NELL1: variants seen among roughly 807,000 people sequenced by gnomAD.
NELL1 encodes the protein protein kinase C-binding protein NELL1.
Under a neutral mutation model 107.4 loss-of-function variants are expected in NELL1, and 76 were observed. The observed-to-expected ratio is 0.71, with a 90% CI of 0.59 to 0.86. The LOEUF (loss-of-function observed/expected upper bound fraction) is 0.86. Among genes scored for constraint, NELL1 ranks in the 40% least tolerant of loss-of-function variants. NELL1 has a pLI of 0.00. For synonymous variants in NELL1, 353 were observed against 341.2 expected (o/e 1.03, Z -0.38); for missense variants, 1,024 against 1,005.5 (o/e 1.02, Z -0.25).
chr11:21,085,674 A>T (rs1854374619), intron 12 of NELL1, among the ~76,000 whole-genome samples: 1 of 152,214 alleles, frequency 6.6e-6, no homozygotes, highest in African/African-American at 2.4e-5. Context: ...GTCAGGGGAC[A>T]ACAACAAATG....
intron 12 of NELL1, among the ~76,000 whole-genome samples, chr11:21,082,123 G>T (rs912561830): frequency 2.0e-5 from 3 of 152,048 alleles, no homozygotes; most frequent in Admixed American, 2.0e-4. Flanking sequence ...TTACAATGGC[G>T]ATCATTTCTT....
chr11:21,512,292 C>T (rs1320297598), intron 15 of NELL1, among the ~76,000 whole-genome samples: 1 of 152,132 alleles, frequency 6.6e-6, no homozygotes, highest in Non-Finnish European at 1.5e-5. Flanking sequence ...AGATAAACAC[C>T]TTATCCCACC....
At chr11:20,800,599 C>T (rs942315314) in intron 3 of NELL1, among the ~76,000 whole-genome samples, 1 of 152,032 alleles carries the variant, frequency 6.6e-6, no homozygotes, top group Non-Finnish European at 1.5e-5. Flanking sequence ...GATATTAGAC[C>T]TCTGTTAGAT....
chr11:21,124,704 C>A (rs138054302), intron 13 of NELL1, among the ~76,000 whole-genome samples: 1 of 151,532 alleles, frequency 6.6e-6, no homozygotes, highest in South Asian at 2.1e-4. Flanking sequence ...CGGGTTCAAG[C>A]GATTCTCCTG....
intron 15 of NELL1, among the ~76,000 whole-genome samples, chr11:21,503,514 A>G (rs1216255195): frequency 2.0e-5 from 3 of 152,124 alleles, no homozygotes; most frequent in Non-Finnish European, 4.4e-5. Flanking sequence ...TATCTATGTG[A>G]GCCTCAATTT....
chr11:21,520,965 A>G (rs140333413), intron 15 of NELL1, among the ~76,000 whole-genome samples: 25 of 152,338 alleles, frequency 1.6e-4, no homozygotes, highest in African/African-American at 6.0e-4. Flanking sequence ...TTTCAGTTCA[A>G]TAGAGTCCTA....
At chr11:21,318,217 A>G (rs1448934478) in intron 14 of NELL1, among the ~76,000 whole-genome samples, 1 of 152,216 alleles carries the variant, frequency 6.6e-6, no homozygotes, top group Non-Finnish European at 1.5e-5. Context: ...AATTTCTTAT[A>G]AAATTAAGGA....
At chr11:21,423,619 C>T (rs981875346) in intron 15 of NELL1, among the ~76,000 whole-genome samples, 1 of 152,048 alleles carries the variant, frequency 6.6e-6, no homozygotes, top group Admixed American at 6.5e-5. Flanking sequence ...ACACAATAAA[C>T]ACATTAGACT....
chr11:21,044,268 A>G (rs1853305147), intron 12 of NELL1, among the ~76,000 whole-genome samples: 1 of 152,190 alleles, frequency 6.6e-6, no homozygotes, highest in Non-Finnish European at 1.5e-5. Flanking sequence ...GAGATACATT[A>G]GGAGATCAGA....
At chr11:21,227,231 C>A (rs1459733736) in intron 13 of NELL1, among the ~76,000 whole-genome samples, 1 of 152,130 alleles carries the variant, frequency 6.6e-6, no homozygotes, top group East Asian at 1.9e-4. Flanking sequence ...TCTAGCTTAT[C>A]TTTATTCCTC....
At chr11:21,303,608 CA>C (rs1849545051) in intron 14 of NELL1, among the ~76,000 whole-genome samples, 2 of 151,954 alleles carry the variant, frequency 1.3e-5, no homozygotes, top group South Asian at 4.1e-4. Flanking sequence ...GGAGATTTCT[CA>C]AAGATCTAAA....
intron 14 of NELL1, among the ~76,000 whole-genome samples, chr11:21,311,108 T>C (rs920945452): frequency 6.6e-6 from 1 of 152,148 alleles, no homozygotes; most frequent in Non-Finnish European, 1.5e-5. Context: ...AAGCAGCTTA[T>C]TGATGCTGTC....
chr11:21,340,232 A>G (rs1850529021), intron 14 of NELL1, among the ~76,000 whole-genome samples: 2 of 152,080 alleles, frequency 1.3e-5, no homozygotes, highest in Admixed American at 1.3e-4. Flanking sequence ...GGCTCACTGC[A>G]AGCTCTGCCC....
intron 15 of NELL1, among the ~76,000 whole-genome samples, chr11:21,517,873 C>T (rs1855609335): frequency 6.6e-6 from 1 of 152,038 alleles, no homozygotes; most frequent in Non-Finnish European, 1.5e-5. Context: ...ATGATTCAGT[C>T]CCTTTGTTTC....
At chr11:20,729,430 G>A (rs1019300767) in intron 2 of NELL1, among the ~76,000 whole-genome samples, 2 of 152,098 alleles carry the variant, frequency 1.3e-5, no homozygotes, top group Admixed American at 6.6e-5. Flanking sequence ...TCAGTATGAT[G>A]TTGGTTATGG....
At chr11:20,881,889 A>G (rs1849415539) in intron 4 of NELL1, among the ~76,000 whole-genome samples, 1 of 152,230 alleles carries the variant, frequency 6.6e-6, no homozygotes, top group South Asian at 2.1e-4. Flanking sequence ...TGTCATACAC[A>G]TTGCAGGCAA....
intron 14 of NELL1, among the ~76,000 whole-genome samples, chr11:21,229,970 C>G (rs1326282354): frequency 6.6e-6 from 1 of 152,126 alleles, no homozygotes; most frequent in East Asian, 1.9e-4. Context: ...GCATCTGGTC[C>G]CTGGCTCCTC....
chr11:21,150,303 G>A lies in NELL1; in HGVS notation c.1426+36589G>A, dbSNP rs566844360. Among the ~76,000 whole-genome samples, 73 of 152,306 alleles carry A rather than the reference G, an allele frequency of 4.8e-4. 1 individual carries two copies. The highest frequency in any genetic ancestry group is 1.7e-3 in the African/African-American group (69 of 41,552). On this transcript the variant is annotated intron_variant, in intron 13 of 19. Transcript: ENST00000357134. ...GCATCCACCGTATATTACTCAAAGT[G>A]CTGCTAAGAAAAGGGCTTCACAGAC...
chr11:21,113,719 G>A lies in NELL1; in HGVS notation c.1426+5G>A. 6.2e-7 allele frequency: 1 copy of A among 1,609,170 alleles called. No individual in the cohort carries two copies. The highest frequency in any genetic ancestry group is 1.1e-5 in the South Asian group (1 of 90,264). On this transcript the variant is annotated splice_donor_5th_base_variant and intron_variant, in intron 13 of 19. Coordinates refer to ENST00000357134, the MANE Select transcript of NELL1 (RefSeq NM_006157.5). ...TGGATGACTTCTCTTGTACAGGTGAGCTTTAAGAAGCAGTGTTGTTTTTTT... is the reference window on the plus strand; with the variant it reads ...TGGATGACTTCTCTTGTACAGGTGAACTTTAAGAAGCAGTGTTGTTTTTTT...
Sources: gnomAD v4.1 joint callset for allele counts (sites outside exome capture counted in the v4.1 genomes callset) on GRCh38, gnomAD v4.1.1 for gene constraint, MANE v1.5 for transcripts, NCBI Gene and HGNC (gene_info 2026-07-23, HGNC 2026-07-21) for gene names.